The following BRCA1 variants were observed in gnomAD, a reference collection of about 807,000 sequenced individuals.
BRCA1 encodes breast cancer type 1 susceptibility protein.
A neutral mutation model predicts 173.7 loss-of-function variants in BRCA1; 140 were observed. That is an observed-to-expected ratio of 0.81 (90% CI 0.70 to 0.93). The LOEUF (loss-of-function observed/expected upper bound fraction) is 0.93, where lower values mean the gene tolerates loss of function less well. Among genes scored for constraint, BRCA1 ranks in the 40% least tolerant of loss-of-function variants. The pLI is 0.00. For missense variants in BRCA1, 1,983 were observed against 2,172.5 expected (o/e 0.91, Z 1.73); for synonymous variants, 662 against 756.0 (o/e 0.88, Z 2.04).
intron 1 of BRCA1, among the ~76,000 whole-genome samples, chr17:43,136,388 G>A (rs1292983361): frequency 6.6e-6 from 1 of 152,150 alleles, no homozygotes; most frequent in Non-Finnish European, 1.5e-5. Context: ...AAGACTTCAT[G>A]ACTAAAACAC....
At position 43,125,280 on chromosome 17, in the gene BRCA1, G is replaced by C. The variant is rs774839252; in HGVS notation, c.-29C>G. Reference sequence around the variant, plus strand: ...CCCGGGACTCTACTACCTTTACCCAGAGCAGAGGGTGAAGGCCTCCTGAGC... The same window carrying C: ...CCCGGGACTCTACTACCTTTACCCACAGCAGAGGGTGAAGGCCTCCTGAGC... On this transcript the variant is annotated 5_prime_UTR_variant, in exon 1 of 23. Transcript: ENST00000357654. 2.2e-6 allele frequency: 1 copy of C among 456,220 alleles called. No homozygotes were observed. Among genetic ancestry groups the C allele is most frequent in the African/African-American group, 2.0e-5 (1 of 50,176 alleles). 28.3% of individuals were successfully genotyped at this position (456,220 alleles called of 1,614,324 possible).
chr17:43,116,092 T>C (rs1010048687), intron 2 of BRCA1, among the ~76,000 whole-genome samples: 2 of 152,224 alleles, frequency 1.3e-5, no homozygotes, highest in African/African-American at 4.8e-5. Context: ...TTTCCAGTGA[T>C]ATATTTTTCT....
chr17:43,107,065 T>TA (rs2054823651), intron 3 of BRCA1, among the ~76,000 whole-genome samples: 1 of 148,268 alleles, frequency 6.7e-6, no homozygotes, highest in African/African-American at 2.5e-5. Context: ...CAAGACAATT[T>TA]TTTTTTTTTT....
chr17:43,125,236 T>C (rs1195556275), intron 1 of BRCA1, 35 bp downstream of exon 1: 1 of 455,294 alleles, frequency 2.2e-6, no homozygotes, highest in Non-Finnish European at 4.4e-6. Flanking sequence ...AGAGCATCAC[T>C]TGGGCCCCCT....
intron 13 of BRCA1, 79 bp downstream of exon 13, chr17:43,076,409 G>A (rs2052712336): frequency 1.3e-6 from 2 of 1,553,092 alleles, no homozygotes; most frequent in East Asian, 2.2e-5. Context: ...AGAAAGTATG[G>A]TGAAAAAAAT....
chr17:43,073,845 C>T (rs548639961), intron 14 of BRCA1, among the ~76,000 whole-genome samples: 4 of 152,062 alleles, frequency 2.6e-5, no homozygotes, highest in Admixed American at 6.6e-5. Flanking sequence ...ACCTCCGCCT[C>T]CCGGGTTCAA....
intron 1 of BRCA1, chr17:43,161,116 C>T (rs902063877): frequency 6.6e-6 from 1 of 152,164 alleles, no homozygotes; most frequent in Non-Finnish European, 1.5e-5. Context: ...GTTAAATTTC[C>T]TACAGACCTC....
intron 18 of BRCA1, among the ~76,000 whole-genome samples, chr17:43,059,171 T>C (rs946640984): frequency 2.0e-5 from 3 of 152,066 alleles, no homozygotes; most frequent in Admixed American, 6.6e-5. Flanking sequence ...CATCTCAAAA[T>C]TCATGCATCT....
intron 1 of BRCA1, chr17:43,162,060 A>C (rs1282041917): frequency 1.3e-5 from 2 of 151,864 alleles, no homozygotes; most frequent in African/African-American, 4.8e-5. Context: ...GTCACACGCT[A>C]CTCTTTTTTC....
At position 43,067,691 on chromosome 17, in the gene BRCA1, A is replaced by G. The variant is rs80357314; in HGVS notation, c.4991T>C (p.Leu1664Pro). 7 of 1,610,422 alleles carry G rather than the reference A, an allele frequency of 4.3e-6. No individual in the cohort carries two copies. Among genetic ancestry groups the G allele is most frequent in the Non-Finnish European group, 5.9e-6 (7 of 1,176,778 alleles). ...GTGTTTTCTGGCAAACTTGTACACG[A>G]GCATCTGAAATTAAATCAAATATTC... The part of the protein sequence containing the change: ...VSGLTPEEFM[L>P]VYKFARKHHI... The change falls in exon 16 of 23, where the codon CTC becomes CCC. Residue 1664 changes from leucine (L) to proline (P), a missense_variant. Transcript: ENST00000357654.
chr17:43,125,744 C>G (rs2055852684), upstream of BRCA1: 2 of 160,012 alleles, frequency 1.2e-5, no homozygotes, highest in Non-Finnish European at 2.8e-5. Context: ...CCCACTCTTT[C>G]CGCCCTAATG....
rs80358048 is a variant in BRCA1 at position 43,045,803 on chromosome 17, C to A, written c.5468-1G>T. ...GGTGCCTCACACATCTGCCCAATTG[C>A]TGGAGACAGAGAACACAAGCAGAGA... is the stretch of plus-strand genomic sequence containing the variant. On this transcript the variant is annotated splice_acceptor_variant, in intron 22 of 22. Coordinates refer to ENST00000357654, the MANE Select transcript of BRCA1 (RefSeq NM_007294.4). LOFTEE classifies it high-confidence loss of function. 1 of 1,614,146 alleles carries A rather than the reference C, an allele frequency of 6.2e-7. No homozygotes were observed. The highest frequency in any genetic ancestry group is 8.5e-7 in the Non-Finnish European group (1 of 1,180,030).
chr17:43,147,593 C>T (rs190504957), intron 1 of BRCA1, among the ~76,000 whole-genome samples: 189 of 152,268 alleles, frequency 1.2e-3, no homozygotes, highest in African/African-American at 4.5e-3. Context: ...CACGTGTAAG[C>T]CATCCCGCCT....
upstream of BRCA1, among the ~76,000 whole-genome samples, chr17:43,130,470 C>T (rs2154581300): frequency 6.6e-6 from 1 of 152,286 alleles, no homozygotes; most frequent in East Asian, 1.9e-4. Flanking sequence ...TGCGCCACTA[C>T]ACCCAGCTAA....
Position 43,045,112 on chromosome 17 carries a change from TC to T in BRCA1, c.*565del, listed in dbSNP as rs1161373562. ...AGCCACCATGCCCAGGTTTCAAGTTTCCTTTTCATTTCTAATACCTGCCTCA... is the reference window on the plus strand; with the variant it reads ...AGCCACCATGCCCAGGTTTCAAGTTTCTTTTCATTTCTAATACCTGCCTCA... On this transcript the variant is annotated 3_prime_UTR_variant, in exon 23 of 23. Transcript: ENST00000357654. The T allele has an allele frequency of 5.6e-6, 3 of 533,078 alleles. No homozygotes were observed. In the East Asian group the frequency reaches 1.2e-4, roughly 21 times the overall value. 33.0% of individuals were successfully genotyped at this position (533,078 alleles called of 1,614,324 possible).
intron 1 of BRCA1, among the ~76,000 whole-genome samples, chr17:43,137,443 A>G (rs535415259): frequency 2.0e-5 from 3 of 151,990 alleles, no homozygotes; most frequent in Non-Finnish European, 4.4e-5. Context: ...TAAAAAAAAA[A>G]AAAGAATAAA....
intron 1 of BRCA1, among the ~76,000 whole-genome samples, chr17:43,149,699 G>A (rs185911728): frequency 4.4e-4 from 67 of 152,266 alleles, no homozygotes; most frequent in Non-Finnish European, 8.8e-5. Flanking sequence ...TAGCCAAATT[G>A]GAAACTGTGG....
intron 1 of BRCA1, among the ~76,000 whole-genome samples, chr17:43,141,536 C>T (rs1199524255): frequency 6.6e-6 from 1 of 151,920 alleles, no homozygotes; most frequent in Non-Finnish European, 1.5e-5. Context: ...AAAATTATCA[C>T]CGGGCACGGT....
At chr17:43,168,412 C>A (rs1243766267) in intron 1 of BRCA1, among the ~76,000 whole-genome samples, 1 of 152,164 alleles carries the variant, frequency 6.6e-6, no homozygotes, top group Non-Finnish European at 1.5e-5. Flanking sequence ...CCGAGGCGGG[C>A]GGATGACCTG....
Sources: allele counts gnomAD v4.1 joint callset (sites outside exome capture counted in the v4.1 genomes callset), GRCh38; gene constraint gnomAD v4.1.1; transcripts MANE v1.5; gene names NCBI Gene and HGNC (gene_info 2026-07-23, HGNC 2026-07-21).